Variants in COBL observed in about 807,000 individuals in gnomAD.
COBL encodes the protein protein cordon-bleu.
A neutral mutation model predicts 98.8 loss-of-function variants in COBL; 51 were observed. That is an observed-to-expected ratio of 0.52 (90% CI 0.41 to 0.65). The LOEUF (loss-of-function observed/expected upper bound fraction) is 0.65. COBL is among the 30% of genes least tolerant of loss of function. The pLI, the probability that COBL is intolerant of heterozygous loss-of-function variation, is 0.00. For missense variants in COBL, 1,617 were observed against 1,617.5 expected (o/e 1.00, Z 0.01); for synonymous variants, 634 against 651.7 (o/e 0.97, Z 0.41).
Position 51,313,839 on chromosome 7 carries a change from T to C in COBL, c.41+2754A>G, listed in dbSNP as rs368932893. Reference sequence around the variant, plus strand: ...ACTTCAAAACCTCACCAAAAGGCAATTTGCCTTTACTTGTGTTCTGAGTAT... The same window carrying C: ...ACTTCAAAACCTCACCAAAAGGCAACTTGCCTTTACTTGTGTTCTGAGTAT... On this transcript the variant is annotated intron_variant, in intron 1 of 12. Coordinates refer to ENST00000265136, the MANE Select transcript of COBL (RefSeq NM_015198.5). Among the ~76,000 whole-genome samples the C allele has an allele frequency of 5.1e-4, 77 of 152,254 alleles. No individual in the cohort carries two copies. In the South Asian group the frequency reaches 0.015, roughly 30 times the overall value.
At chr7:51,120,781 T>C (rs901348793) in intron 6 of COBL, among the ~76,000 whole-genome samples, 5 of 152,234 alleles carry the variant, frequency 3.3e-5, no homozygotes, top group African/African-American at 1.2e-4. Context: ...TAGCATGATG[T>C]CTTCAAGGTA....
At chr7:51,202,040 C>T (rs1053256535) in intron 2 of COBL, among the ~76,000 whole-genome samples, 10 of 152,166 alleles carry the variant, frequency 6.6e-5, no homozygotes, top group Admixed American at 6.5e-5. Flanking sequence ...TGGCCATCTC[C>T]GTTATCAGAT....
intron 6 of COBL, among the ~76,000 whole-genome samples, chr7:51,092,200 A>G (rs1794878165): frequency 1.3e-5 from 2 of 152,222 alleles, no homozygotes; most frequent in South Asian, 2.1e-4. Context: ...GAGGTGGAAC[A>G]GTTTTATCCC....
intron 1 of COBL, among the ~76,000 whole-genome samples, chr7:51,278,343 G>C (rs909996256): frequency 6.7e-6 from 1 of 150,176 alleles, no homozygotes; most frequent in African/African-American, 2.5e-5. Context: ...CCTCCCAGCT[G>C]CCTGGGGAGA....
intron 6 of COBL, among the ~76,000 whole-genome samples, chr7:51,086,590 G>A (rs961166362): frequency 4.0e-5 from 6 of 150,972 alleles, no homozygotes; most frequent in African/African-American, 1.2e-4. Flanking sequence ...TGTGTACCAC[G>A]TATATGGGAG....
At chr7:51,298,384 T>G (rs541551588) in intron 1 of COBL, among the ~76,000 whole-genome samples, 1 of 152,258 alleles carries the variant, frequency 6.6e-6, no homozygotes, top group Non-Finnish European at 1.5e-5. Flanking sequence ...TCACCTTTGT[T>G]GTCAGGGCAT....
At chr7:51,200,828 C>G (rs570130801) in intron 2 of COBL, among the ~76,000 whole-genome samples, 17 of 151,940 alleles carry the variant, frequency 1.1e-4, no homozygotes, top group Middle Eastern at 3.4e-3. Context: ...AAAGAAATAC[C>G]GTAGATGAAC....
chr7:51,200,930 G>A (rs1791058810), intron 2 of COBL, among the ~76,000 whole-genome samples: 1 of 152,066 alleles, frequency 6.6e-6, no homozygotes, highest in African/African-American at 2.4e-5. Context: ...AATGAAGAAT[G>A]ATATTTCATG....
chr7:51,101,171 C>T (rs1795774031), intron 6 of COBL, among the ~76,000 whole-genome samples: 1 of 152,174 alleles, frequency 6.6e-6, no homozygotes, highest in South Asian at 2.1e-4. Context: ...TGGTGCTACT[C>T]CTGGTAAATT....
chr7:51,095,480 T>C (rs971644708), intron 6 of COBL, among the ~76,000 whole-genome samples: 2 of 152,168 alleles, frequency 1.3e-5, no homozygotes, highest in Non-Finnish European at 2.9e-5. Context: ...AACTACAAGA[T>C]ATACGGAAAC....
At chr7:51,255,734 G>A (rs996728851) in intron 1 of COBL, among the ~76,000 whole-genome samples, 4 of 152,218 alleles carry the variant, frequency 2.6e-5, no homozygotes, top group Admixed American at 6.5e-5. Flanking sequence ...CGGGGCTGCA[G>A]TGAGCCAGGC....
intron 5 of COBL, among the ~76,000 whole-genome samples, chr7:51,141,598 T>TA (rs1001443847): frequency 1.3e-5 from 2 of 152,064 alleles, no homozygotes; most frequent in African/African-American, 4.8e-5. Flanking sequence ...CTCCTCTCCT[T>TA]AGACGATGCT....
intron 2 of COBL, among the ~76,000 whole-genome samples, chr7:51,215,792 C>T (rs115665851): frequency 0.015 from 2,220 of 152,354 alleles, 54 homozygotes; most frequent in African/African-American, 0.051. Flanking sequence ...TGTGCTCCAT[C>T]AATACCTTCA....
chr7:51,093,205 AGTGGGCAAAGAAT>A (rs1794973022), intron 6 of COBL, among the ~76,000 whole-genome samples: 1 of 152,258 alleles, frequency 6.6e-6, no homozygotes, highest in Non-Finnish European at 1.5e-5. Flanking sequence ...TGAATTAAAA[AGTGGGCAAAGAAT>A]GTGAACAGAC....
At chr7:51,134,353 T>C (rs1481834942) in intron 6 of COBL, among the ~76,000 whole-genome samples, 2 of 152,256 alleles carry the variant, frequency 1.3e-5, no homozygotes, top group African/African-American at 4.8e-5. Context: ...AAAAAGCTTT[T>C]ACTGCCTCAG....
intron 4 of COBL, among the ~76,000 whole-genome samples, chr7:51,188,309 C>G (rs1055485641): frequency 6.6e-6 from 1 of 152,234 alleles, no homozygotes; most frequent in Non-Finnish European, 1.5e-5. Context: ...ACGTCTGTCC[C>G]CTCCAAGTGC....
chr7:51,163,626 C>T (rs1584020260), intron 5 of COBL, among the ~76,000 whole-genome samples: 1 of 152,260 alleles, frequency 6.6e-6, no homozygotes, highest in East Asian at 1.9e-4. Context: ...AAATATATCC[C>T]AGAAAACACC....
intron 1 of COBL, among the ~76,000 whole-genome samples, chr7:51,258,163 C>T (rs575668466): frequency 1.3e-4 from 20 of 152,018 alleles, no homozygotes; most frequent in Non-Finnish European, 2.5e-4. Flanking sequence ...AAAGAACAAG[C>T]TATTATTTAA....
intron 1 of COBL, among the ~76,000 whole-genome samples, chr7:51,295,449 A>T (rs1190263780): frequency 8.5e-5 from 13 of 152,202 alleles, no homozygotes; most frequent in African/African-American, 3.1e-4. Flanking sequence ...TTTTTCAAAA[A>T]AAATACTGCC....
Sources: gnomAD v4.1 joint callset for allele counts (sites outside exome capture counted in the v4.1 genomes callset) on GRCh38, gnomAD v4.1.1 for gene constraint, MANE v1.5 for transcripts, NCBI Gene and HGNC (gene_info 2026-07-23, HGNC 2026-07-21) for gene names.